FAM3B: variants seen among roughly 807,000 people sequenced by gnomAD.
FAM3B encodes protein FAM3B.
FAM3B carries 29 observed loss-of-function variants against 28.4 expected under a neutral mutation model. The observed-to-expected ratio is 1.02, with a 90% CI of 0.76 to 1.39. The LOEUF (loss-of-function observed/expected upper bound fraction) is 1.39. Among genes scored for constraint, FAM3B ranks in the 40% most tolerant of loss-of-function variants. FAM3B has a pLI of 0.00. For missense variants in FAM3B, 266 were observed against 293.9 expected (o/e 0.91, Z 0.69); for synonymous variants, 91 against 103.0 (o/e 0.88, Z 0.71).
chr21:41,344,381 G>A, intron 3 of FAM3B, 95 bp from the exon 4 acceptor site: 2 of 1,127,250 alleles, frequency 1.8e-6, no homozygotes, highest in Non-Finnish European at 1.3e-6. Flanking sequence ...GTGGGGGACA[G>A]CAGATGAGAC....
At chr21:41,304,323 G>A (rs889941523) in intron 1 of FAM3B, 15 of 455,910 alleles carry the variant, frequency 3.3e-5, no homozygotes, top group Non-Finnish European at 5.3e-5. Context: ...GAGAGGACGC[G>A]GGGCTGGCGT....
intron 7 of FAM3B, among the ~76,000 whole-genome samples, chr21:41,350,291 C>T (rs1187963007): frequency 2.0e-5 from 3 of 152,172 alleles, no homozygotes; most frequent in African/African-American, 7.2e-5. Flanking sequence ...CCCATCTCTC[C>T]GATCCCTTGT....
In FAM3B at chr21:41,336,064, TC is replaced by T. The variant is rs146842974; in HGVS notation, c.164-2313del. Among the ~76,000 whole-genome samples the T allele has an allele frequency of 9.4e-3, 1,438 of 152,316 alleles. 9 individuals are homozygous for T. Among genetic ancestry groups the T allele is most frequent in the Middle Eastern group, 0.031 (9 of 294 alleles). On this transcript the variant is annotated intron_variant, in intron 2 of 7. Coordinates refer to ENST00000357985, the MANE Select transcript of FAM3B (RefSeq NM_058186.4). ...AAGACTTATGAATGGGATTAGAGCC[TC>T]TACGAATGGTATTAGCACCCGTATA...
intron 1 of FAM3B, chr21:41,320,757 A>T (rs2088795519): frequency 1.3e-5 from 2 of 152,102 alleles, no homozygotes; most frequent in Admixed American, 1.3e-4. Context: ...CCCTCACCCA[A>T]AGCACAGATA....
intron 2 of FAM3B, among the ~76,000 whole-genome samples, chr21:41,330,875 G>T (rs2088900822): frequency 6.6e-6 from 1 of 152,078 alleles, no homozygotes; most frequent in South Asian, 2.1e-4. Context: ...TCTGTATTTG[G>T]CTATTGTGAA....
intron 7 of FAM3B, 102 bp downstream of exon 7, chr21:41,348,826 G>A (rs1427415848): frequency 7.7e-7 from 1 of 1,301,420 alleles, no homozygotes; most frequent in Non-Finnish European, 1.1e-6. Context: ...CCAAACATAA[G>A]AGTTGTGTCA....
exon 1 of FAM3B, chr21:41,304,255 T>TG (rs1352764443): frequency 4.4e-6 from 2 of 455,814 alleles, no homozygotes; most frequent in Non-Finnish European, 8.8e-6. Context: ...CGGGCATGGC[T>TG]GGGGCACCCT....
At chr21:41,349,812 GGT>G (rs2089099694) in intron 7 of FAM3B, among the ~76,000 whole-genome samples, 1 of 151,680 alleles carries the variant, frequency 6.6e-6, no homozygotes, top group South Asian at 2.1e-4. Context: ...CGGAAACCAT[GGT>G]TATTTTAGCA....
chr21:41,316,729 T>C, upstream of FAM3B: 1 of 602,490 alleles, frequency 1.7e-6, no homozygotes, highest in South Asian at 3.9e-5. Flanking sequence ...GGTCCGCACC[T>C]GCCATTTGCC....
chr21:41,323,113 C>T (rs1308076804), intron 2 of FAM3B, 47 bp downstream of exon 2: 1 of 1,591,962 alleles, frequency 6.3e-7, no homozygotes, highest in Non-Finnish European at 8.5e-7. Context: ...GGCTTGTGTG[C>T]AGAGGGAGGA....
Position 41,354,824 on chromosome 21 carries a change from G to A in FAM3B, c.619-2284G>A, listed in dbSNP as rs184580076. On this transcript the variant is annotated intron_variant, in intron 7 of 7. Coordinates refer to ENST00000357985, the MANE Select transcript of FAM3B (RefSeq NM_058186.4). ...TGGAACAAACCTGCACATCCTGCAC[G>A]TGTACCCCGAACTTAAAAGTTAAAA... 4.3e-3 allele frequency among the ~76,000 whole-genome samples: 492 copies of A among 115,644 alleles called. 11 individuals are homozygous for A. Among genetic ancestry groups the A allele is most frequent in the Non-Finnish European group, 6.0e-4 (38 of 63,238 alleles). The allele number at this position is 115,644 out of a possible 152,430, so 75.9% of individuals were successfully genotyped here.
At chr21:41,316,630 C>A (rs116436208), upstream of FAM3B, 840 of 371,130 alleles carry the variant, frequency 2.3e-3, 6 homozygotes, top group African/African-American at 0.016. Flanking sequence ...CGGGTCCACC[C>A]TCCGCCAGCG....
At chr21:41,311,226 C>T in intron 1 of FAM3B, among the ~76,000 whole-genome samples, 1 of 80,054 alleles carries the variant, frequency 1.2e-5, no homozygotes, top group Non-Finnish European at 2.4e-5. Context: ...ATGACAAAAC[C>T]CTGTCTCTAC....
At chr21:41,311,278 A>ATG (rs1247108543) in intron 1 of FAM3B, among the ~76,000 whole-genome samples, 1 of 85,016 alleles carries the variant, frequency 1.2e-5, no homozygotes, top group African/African-American at 5.3e-5. Context: ...ATATATATAT[A>ATG]TATATATATA....
In FAM3B at chr21:41,356,334, A is replaced by G. The variant is rs554265522; in HGVS notation, c.619-774A>G. 4.6e-5 allele frequency among the ~76,000 whole-genome samples: 7 copies of G among 152,352 alleles called. No individual in the cohort carries two copies. In the South Asian group the frequency reaches 1.4e-3, roughly 32 times the overall value. On this transcript the variant is annotated intron_variant, in intron 7 of 7. Coordinates refer to ENST00000357985, the MANE Select transcript of FAM3B (RefSeq NM_058186.4). ...TAGCATACCTAACCTACCAAAGATG[A>G]TAGTTTAGCATAGCATACCTTAAAC...
rs574354739 is a variant in FAM3B at position 41,348,736 on chromosome 21, T to C, written c.618+12T>C. On this transcript the variant is annotated intron_variant, in intron 7 of 7. Coordinates refer to ENST00000357985, the MANE Select transcript of FAM3B (RefSeq NM_058186.4). Reference sequence around the variant, plus strand: ...TTCAGAGAGAAAAGGTGAGTGGTTTTAAAATGTCCCTTCCCACCAATGGTG... The same window carrying C: ...TTCAGAGAGAAAAGGTGAGTGGTTTCAAAATGTCCCTTCCCACCAATGGTG... 4 of 1,614,224 alleles carry C rather than the reference T, an allele frequency of 2.5e-6. No homozygotes were observed. Among genetic ancestry groups the C allele is most frequent in the South Asian group, 2.2e-5 (2 of 91,084 alleles).
In FAM3B at chr21:41,316,809, C is replaced by T. The variant is rs2088752992; in HGVS notation, c.-71C>T. 3 of 1,405,404 alleles carry T rather than the reference C, an allele frequency of 2.1e-6. No individual in the cohort carries two copies. The highest frequency in any genetic ancestry group is 2.8e-6 in the Non-Finnish European group (3 of 1,079,050). 87.1% of individuals were successfully genotyped at this position (1,405,404 alleles called of 1,614,324 possible). A position where few individuals can be genotyped will look rare whatever the true frequency, so the allele number is the denominator to read the frequency against. ...CGCTGCCCGCCCCTTGCCTTCCTGA[C>T]CCAGGGGCTCCGCTGGCTGCGGTCG... On this transcript the variant is annotated 5_prime_UTR_variant, in exon 1 of 8. Coordinates refer to ENST00000357985, the MANE Select transcript of FAM3B (RefSeq NM_058186.4).
chr21:41,348,334 A>G (rs899787828), intron 6 of FAM3B, among the ~76,000 whole-genome samples: 1 of 152,228 alleles, frequency 6.6e-6, no homozygotes, highest in East Asian at 1.9e-4. Context: ...AGGGCTTTCC[A>G]GAATTGAGAA....
intron 3 of FAM3B, among the ~76,000 whole-genome samples, chr21:41,339,287 AT>A (rs1385734131): frequency 6.6e-6 from 1 of 151,932 alleles, no homozygotes; most frequent in Non-Finnish European, 1.5e-5. Context: ...CCCCATTTTT[AT>A]TTTTTTATTA....
Sources: gnomAD v4.1 joint callset for allele counts (sites outside exome capture counted in the v4.1 genomes callset) on GRCh38, gnomAD v4.1.1 for gene constraint, MANE v1.5 for transcripts, NCBI Gene and HGNC (gene_info 2026-07-23, HGNC 2026-07-21) for gene names.